Variants in AJAP1 observed in about 807,000 individuals in gnomAD.
AJAP1 encodes adherens junctions associated protein 1, also known as adherens junction-associated protein 1.
AJAP1 carries 5 observed loss-of-function variants against 35.0 expected under a neutral mutation model. The ratio of observed to expected loss-of-function variants is 0.14; its 90% confidence interval spans 0.07 to 0.30. The LOEUF is 0.30. AJAP1 is among the 10% of genes least tolerant of loss of function. The pLI is 1.00. For synonymous variants in AJAP1, 284 were observed against 249.3 expected (o/e 1.14, Z -1.31); for missense variants, 586 against 571.0 (o/e 1.03, Z -0.27).
In AJAP1 at chr1:4,712,623, C is replaced by T. The variant is rs1463809542; in HGVS notation, c.753C>T (p.Ser251=). The T allele has an allele frequency of 6.3e-7, 1 of 1,577,780 alleles. No individual in the cohort carries two copies. Among genetic ancestry groups the T allele is most frequent in the Non-Finnish European group, 8.6e-7 (1 of 1,157,334 alleles). ...GGAGAAGGATCCCAGGTGGGGTTAG[C>T]ACAACGGAGCCTTCCACCAGTCCCA... ...DPRRRIPGGV[S]TTEPSTSPSN... The change falls in exon 2 of 6, where the codon AGC becomes AGT. Residue 251 remains serine, a synonymous_variant. Transcript: ENST00000378191.
intron 1 of AJAP1, among the ~76,000 whole-genome samples, chr1:4,704,984 A>G (rs1640069112): frequency 6.6e-6 from 1 of 152,026 alleles, no homozygotes; most frequent in Non-Finnish European, 1.5e-5. Context: ...CATGTCCTTC[A>G]CCCACTTTTT....
At chr1:4,678,722 G>A (rs578026064) in intron 1 of AJAP1, among the ~76,000 whole-genome samples, 39 of 152,292 alleles carry the variant, frequency 2.6e-4, no homozygotes, top group East Asian at 1.9e-4. Flanking sequence ...ACCCACACTC[G>A]AGGGAGTGCA....
chr1:4,731,621 G>T (rs1274698216), intron 2 of AJAP1, among the ~76,000 whole-genome samples: 1 of 152,124 alleles, frequency 6.6e-6, no homozygotes, highest in African/African-American at 2.4e-5. Context: ...GGTGGTTTAG[G>T]GCCTGTGACC....
intron 1 of AJAP1, among the ~76,000 whole-genome samples, chr1:4,676,922 C>T (rs1000915450): frequency 1.3e-5 from 2 of 152,126 alleles, no homozygotes; most frequent in Admixed American, 6.5e-5. Flanking sequence ...TTTGGGAGGC[C>T]GAGGCAGGTG....
chr1:4,747,177 C>T (rs1281636477), intron 2 of AJAP1, among the ~76,000 whole-genome samples: 2 of 152,128 alleles, frequency 1.3e-5, no homozygotes, highest in East Asian at 3.9e-4. Flanking sequence ...TCTGTCCTTG[C>T]GGGCATTTGC....
chr1:4,758,787 G>A (rs1268034071), intron 2 of AJAP1, among the ~76,000 whole-genome samples: 4 of 152,192 alleles, frequency 2.6e-5, no homozygotes, highest in South Asian at 2.1e-4. Flanking sequence ...GCTGCTGCTC[G>A]ATTGACAGCA....
intron 1 of AJAP1, among the ~76,000 whole-genome samples, chr1:4,708,501 G>C (rs1043315161): frequency 6.6e-6 from 1 of 152,224 alleles, no homozygotes; most frequent in African/African-American, 2.4e-5. Context: ...TGAAATGAGA[G>C]GTGCTCAGGG....
At chr1:4,767,187 A>T (rs1205269717) in intron 2 of AJAP1, among the ~76,000 whole-genome samples, 1 of 152,196 alleles carries the variant, frequency 6.6e-6, no homozygotes, top group East Asian at 1.9e-4. Context: ...ATTTAATGAT[A>T]CATCATGCAG....
chr1:4,734,238 C>T lies in AJAP1; in HGVS notation c.829+21539C>T, dbSNP rs1358239980. ...ATGAAAGGAGTGCCTCAGCTGAGCC[C>T]CGGAATAGGAAGGGCCTGCCCTACT... is the stretch of plus-strand genomic sequence containing the variant. On this transcript the variant is annotated intron_variant, in intron 2 of 5. Transcript: ENST00000378191. The surrounding 1 kb of genome is among the most constrained non-coding windows in gnomAD (Gnocchi z 4.3). Among the ~76,000 whole-genome samples, 1 of 152,096 alleles carries T rather than the reference C, an allele frequency of 6.6e-6. No individual in the cohort carries two copies. The highest frequency in any genetic ancestry group is 1.5e-5 in the Non-Finnish European group (1 of 68,030).
intron 2 of AJAP1, among the ~76,000 whole-genome samples, chr1:4,721,338 G>A (rs1362229324): frequency 6.6e-6 from 1 of 152,194 alleles, no homozygotes; most frequent in East Asian, 1.9e-4. Flanking sequence ...GATGCCCTGA[G>A]TGTGGGTTCT....
chr1:4,739,343 A>C (rs980285462), intron 2 of AJAP1, among the ~76,000 whole-genome samples: 1 of 152,190 alleles, frequency 6.6e-6, no homozygotes, highest in Non-Finnish European at 1.5e-5. Context: ...GGGTCCGTCC[A>C]AGCACAGACA....
intron 2 of AJAP1, among the ~76,000 whole-genome samples, chr1:4,762,986 G>T (rs1641603880): frequency 6.6e-6 from 1 of 152,084 alleles, no homozygotes; most frequent in African/African-American, 2.4e-5. Context: ...TATTGATAAG[G>T]AAAGCGTTGG....
At position 4,782,469 on chromosome 1, in the gene AJAP1, C is replaced by T. The variant is rs1005870814; in HGVS notation, c.*60-76C>T. The T allele has an allele frequency of 1.7e-5, 5 of 296,232 alleles. No individual in the cohort carries two copies. The highest frequency in any genetic ancestry group is 6.4e-5 in the African/African-American group (3 of 46,706). 18.4% of individuals were successfully genotyped at this position (296,232 alleles called of 1,614,324 possible). ...GGGTGCTGCGTGTGGGGGTCCCAGT[C>T]GACCGAGAACCCCACAGACTTGTCG... On this transcript the variant is annotated intron_variant, in intron 5 of 5. Coordinates refer to ENST00000378191, the MANE Select transcript of AJAP1 (RefSeq NM_018836.4). The surrounding 1 kb of genome is among the most constrained non-coding windows in gnomAD (Gnocchi z 5.3).
At chr1:4,757,198 C>T (rs71640946) in intron 2 of AJAP1, among the ~76,000 whole-genome samples, 13,997 of 152,288 alleles carry the variant, frequency 0.092, 713 homozygotes, top group East Asian at 0.16. Flanking sequence ...CCTTTGCCTT[C>T]AGCACAGACC....
chr1:4,701,828 T>A (rs1184275310), intron 1 of AJAP1, among the ~76,000 whole-genome samples: 3 of 152,186 alleles, frequency 2.0e-5, no homozygotes, highest in Non-Finnish European at 1.5e-5. Context: ...GCCGCTGGGC[T>A]GTGATGCTGC....
chr1:4,690,013 C>T lies in AJAP1; in HGVS notation c.30-21887C>T, dbSNP rs547646656. ...CCCCCGGTTGAGACCCCCCCAGCCC[C>T]GCTCCCTCCTGGCCCTGTAGAACTT... On this transcript the variant is annotated intron_variant, in intron 1 of 5. Transcript: ENST00000378191. Among the ~76,000 whole-genome samples the T allele has an allele frequency of 5.2e-4, 79 of 152,282 alleles. 1 individual carries two copies. The highest frequency in any genetic ancestry group is 4.8e-3 in the Admixed American group (74 of 15,298).
In AJAP1 at chr1:4,784,671, C is replaced by G. The variant is rs1366909278; in HGVS notation, c.*2186C>G. 1 of 152,252 alleles carries G rather than the reference C, an allele frequency of 6.6e-6. No individual in the cohort carries two copies. Among genetic ancestry groups the G allele is most frequent in the South Asian group, 2.1e-4 (1 of 4,828 alleles). The allele number at this position is 152,252 out of a possible 1,614,324, so 9.4% of individuals were successfully genotyped here. Reference sequence around the variant, plus strand: ...GTTGAGATCTGTATCCATGGTATTGCTCACAAATTAGGAAAAGTTGTTCTT... The same window carrying G: ...GTTGAGATCTGTATCCATGGTATTGGTCACAAATTAGGAAAAGTTGTTCTT... On this transcript the variant is annotated 3_prime_UTR_variant, in exon 6 of 6. Coordinates refer to ENST00000378191, the MANE Select transcript of AJAP1 (RefSeq NM_018836.4).
At chr1:4,719,452 A>T (rs1280392268) in intron 2 of AJAP1, among the ~76,000 whole-genome samples, 2 of 152,208 alleles carry the variant, frequency 1.3e-5, no homozygotes, top group East Asian at 3.8e-4. Flanking sequence ...CCCAATTGTT[A>T]TTCTGGCAAT....
chr1:4,733,561 A>C (rs1223394338), intron 2 of AJAP1, among the ~76,000 whole-genome samples: 1 of 151,128 alleles, frequency 6.6e-6, no homozygotes, highest in African/African-American at 2.4e-5. Context: ...GTGGGGAGCA[A>C]GTCCAATTGC....
Sources: gnomAD v4.1 joint callset for allele counts (sites outside exome capture counted in the v4.1 genomes callset) on GRCh38, gnomAD v4.1.1 for gene constraint, Gnocchi (gnomAD v3.1) non-coding constraint, MANE v1.5 for transcripts, NCBI Gene and HGNC (gene_info 2026-07-23, HGNC 2026-07-21) for gene names.